RNF6: variants seen among roughly 807,000 people sequenced by gnomAD.
The protein encoded by RNF6 is ring finger protein 6, also known as E3 ubiquitin-protein ligase RNF6.
Under a neutral mutation model 50.1 loss-of-function variants are expected in RNF6, and 21 were observed. That is an observed-to-expected ratio of 0.42 (90% confidence interval 0.30 to 0.60). RNF6 has a LOEUF of 0.60. Among genes scored for constraint, RNF6 ranks in the 20% least tolerant of loss-of-function variants. The pLI is 0.20. For synonymous variants in RNF6, 255 were observed against 291.8 expected, an observed-to-expected ratio of 0.87 and a Z score of 1.29; for missense variants, 698 against 838.2, an observed-to-expected ratio of 0.83 and a Z score of 2.07.
chr13:26,219,418 GAT>G (rs1408308083), intron 3 of RNF6, 37 bp downstream of exon 3: 1 of 1,457,924 alleles, frequency 6.9e-7, no homozygotes, highest in Non-Finnish European at 9.4e-7. Flanking sequence ...CCATCTAAAT[GAT>G]GAAAAAAGGG....
At chr13:26,206,969 T>A (rs1284185538) in intron 5 of RNF6, among the ~76,000 whole-genome samples, 1 of 152,010 alleles carries the variant, frequency 6.6e-6, no homozygotes, top group Non-Finnish European at 1.5e-5. Context: ...ATAAATACAA[T>A]CCAGGTTGGA....
chr13:26,142,653 T>TAAG (rs145620092), intron 5 of RNF6, among the ~76,000 whole-genome samples: 20,167 of 152,120 alleles, frequency 0.13, 1,677 homozygotes, highest in Admixed American at 0.2. Context: ...TTCTATCTTA[T>TAAG]AAGTGAGAAC....
At chr13:26,134,199 C>G (rs537986717) in intron 5 of RNF6, among the ~76,000 whole-genome samples, 1 of 152,210 alleles carries the variant, frequency 6.6e-6, no homozygotes, top group East Asian at 1.9e-4. Context: ...CCATCCACAT[C>G]GTCTCCACTG....
At chr13:26,199,283 T>G (rs1176887572) in intron 5 of RNF6, among the ~76,000 whole-genome samples, 1 of 152,200 alleles carries the variant, frequency 6.6e-6, no homozygotes, top group Non-Finnish European at 1.5e-5. Flanking sequence ...GAGGATAGTC[T>G]TTTAACATAT....
At chr13:26,153,328 C>T (rs1450861118) in intron 5 of RNF6, among the ~76,000 whole-genome samples, 2 of 151,956 alleles carry the variant, frequency 1.3e-5, no homozygotes, top group Non-Finnish European at 2.9e-5. Flanking sequence ...ATTTTCCTGC[C>T]TCAGCCTCCA....
rs141920676 is a variant in RNF6, at chr13:26,183,531, T to C, written n.768+31943A>G. Among the ~76,000 whole-genome samples, 330 of 152,336 alleles carry C rather than the reference T, an allele frequency of 2.2e-3. 1 individual carries two copies. Among genetic ancestry groups the C allele is most frequent in the African/African-American group, 7.4e-3 (309 of 41,576 alleles). ...GGGGATCAGGACTCTAATTCACTTA[T>C]GATCATTTGCCTCCCTGCGTATATC... On this transcript the variant is annotated intron_variant and non_coding_transcript_variant, in intron 5 of 5. Transcript: ENST00000468480.
At chr13:26,197,853 G>A (rs4770954) in intron 5 of RNF6, among the ~76,000 whole-genome samples, 76,067 of 151,536 alleles carry the variant, frequency 0.5, 22,276 homozygotes, top group East Asian at 0.7. Flanking sequence ...GTGAAACCCC[G>A]TCTGTTCTCT....
intron 5 of RNF6, among the ~76,000 whole-genome samples, chr13:26,178,160 G>C (rs529732370): frequency 6.6e-6 from 1 of 152,320 alleles, no homozygotes; most frequent in African/African-American, 2.4e-5. Flanking sequence ...CTGCACTCCA[G>C]CCTGGGCAAC....
At position 26,214,156 on chromosome 13, in the gene RNF6, T is replaced by G. The variant is rs1869558238; in HGVS notation, c.1726A>C (p.Asn576His). ...RGGRQLRNPNNLVETGTLPIL... is the reference protein window; with the variant it reads ...RGGRQLRNPNHLVETGTLPIL... ...GGTAGTGTTCCAGTTTCAACTAAAT[T>G]GTTTGGATTTCGCAACTGCCTGCCA... Residue 576 changes from asparagine (N) to histidine (H), a missense_variant, in exon 5 of 5, where the codon AAT becomes CAT. Physicochemically the swap from Asn to His is moderately conservative, Grantham distance 68 (BLOSUM62 1). Coordinates refer to ENST00000381588, the MANE Select transcript of RNF6 (RefSeq NM_005977.4). The G allele has an allele frequency of 6.2e-7, 1 of 1,614,164 alleles. No individual in the cohort carries two copies. The highest frequency in any genetic ancestry group is 8.5e-7 in the Non-Finnish European group (1 of 1,180,024).
Position 26,132,473 on chromosome 13 carries a change from A to G in RNF6, n.769-22T>C, listed in dbSNP as rs76569396. ...AAGCCTACAAAATAAAACCAAAGAG[A>G]GAAAAATAAAAGTAGAAGTTTAATG... On this transcript the variant is annotated intron_variant and non_coding_transcript_variant, in intron 5 of 5. Coordinates refer to the RNF6 transcript ENST00000468480. 37 of 457,406 alleles carry G rather than the reference A, an allele frequency of 8.1e-5. No homozygotes were observed. In the East Asian group the frequency reaches 2.5e-3, roughly 31 times the overall value. The allele number at this position is 457,406 out of a possible 1,614,324, so 28.3% of individuals were successfully genotyped here.
intron 5 of RNF6, among the ~76,000 whole-genome samples, chr13:26,148,072 A>C (rs954407609): frequency 6.6e-6 from 1 of 152,224 alleles, no homozygotes. Flanking sequence ...GGGAGGCCTC[A>C]GGAAACTTAC....
At chr13:26,194,717 G>A (rs1868590101) in intron 5 of RNF6, among the ~76,000 whole-genome samples, 1 of 152,204 alleles carries the variant, frequency 6.6e-6, no homozygotes, top group Non-Finnish European at 1.5e-5. Flanking sequence ...TCTGCAAGCT[G>A]AGGAGCAAGG....
intron 5 of RNF6, among the ~76,000 whole-genome samples, chr13:26,160,495 A>G (rs1872143901): frequency 6.7e-6 from 1 of 149,948 alleles, no homozygotes; most frequent in African/African-American, 2.5e-5. Flanking sequence ...AGTAGCTGGG[A>G]CTACAGGCTT....
chr13:26,219,012 A>G (rs1422473701), intron 3 of RNF6, among the ~76,000 whole-genome samples: 1 of 152,180 alleles, frequency 6.6e-6, no homozygotes, highest in East Asian at 1.9e-4. Flanking sequence ...CAAACACACA[A>G]TATATAAACA....
chr13:26,155,644 C>T (rs1009416054), intron 5 of RNF6, among the ~76,000 whole-genome samples: 2 of 152,190 alleles, frequency 1.3e-5, no homozygotes, highest in Admixed American at 6.5e-5. Flanking sequence ...CGCTGCTGGA[C>T]GGGCAATAGG....
rs1245276819 is a variant in RNF6 at position 26,215,107 on chromosome 13, T to G, written c.775A>C (p.Thr259Pro). Residue 259 changes from threonine (T) to proline (P), a missense_variant, in exon 5 of 5, where the codon ACA (threonine) becomes CCA (proline). By Grantham distance (38) the Thr-to-Pro change is conservative. Transcript: ENST00000381588. ...NASRTNFSSH[T>P]NQSGGSELRQ... The stretch of plus-strand genomic sequence containing the variant: ...AGTTCACTACCACCTGATTGGTTTG[T>G]GTGACTACTGAAATTAGTGCGTGAA... 6.2e-7 allele frequency: 1 copy of G among 1,614,254 alleles called. No individual in the cohort carries two copies. The highest frequency in any genetic ancestry group is 8.5e-7 in the Non-Finnish European group (1 of 1,180,050).
At chr13:26,179,056 T>C (rs714454) in intron 5 of RNF6, among the ~76,000 whole-genome samples, 57,088 of 152,056 alleles carry the variant, frequency 0.38, 11,828 homozygotes, top group East Asian at 0.7. Flanking sequence ...AGAAGAACAC[T>C]GTGCACCAGT....
chr13:26,170,568 A>G (rs60829328), intron 5 of RNF6, among the ~76,000 whole-genome samples: 4,746 of 152,312 alleles, frequency 0.031, 123 homozygotes, highest in Middle Eastern at 0.092. Flanking sequence ...AGCCCAGATC[A>G]TCTTAGTGTG....
At chr13:26,203,340 G>T (rs1045766172) in intron 5 of RNF6, among the ~76,000 whole-genome samples, 40 of 152,364 alleles carry the variant, frequency 2.6e-4, no homozygotes, top group African/African-American at 9.1e-4. Context: ...TTGGGATCAA[G>T]AAATAGATAA....
Sources: gnomAD v4.1 joint callset for allele counts (sites outside exome capture counted in the v4.1 genomes callset) on GRCh38, gnomAD v4.1.1 for gene constraint, MANE v1.5 for transcripts, NCBI Gene and HGNC (gene_info 2026-07-23, HGNC 2026-07-21) for gene names.